Variants in CADM2 observed in about 807,000 individuals in gnomAD.
The protein encoded by CADM2 is immunoglobulin superfamily member 4D.
In CADM2, 12 loss-of-function variants were observed where a neutral mutation model predicts 49.8. The observed-to-expected ratio is 0.24, with a 90% CI of 0.15 to 0.39. The LOEUF (loss-of-function observed/expected upper bound fraction) is 0.39, where lower values mean the gene tolerates loss of function less well. CADM2 is among the 10% of genes least tolerant of loss of function. The pLI is 1.00. For synonymous variants in CADM2, 214 were observed against 175.4 expected, an observed-to-expected ratio of 1.22 and a Z score of -1.74; for missense variants, 378 against 492.3, an observed-to-expected ratio of 0.77 and a Z score of 2.20.
At chr3:85,354,618 CAGAGAG>C (rs139421347) in intron 1 of CADM2, among the ~76,000 whole-genome samples, 3 of 130,158 alleles carry the variant, frequency 2.3e-5, no homozygotes, top group Admixed American at 8.0e-5. Flanking sequence ...GAATACCTAA[CAGAGAG>C]AGAGAGAGAG....
intron 1 of CADM2, among the ~76,000 whole-genome samples, chr3:85,590,733 A>G (rs1281713300): frequency 1.3e-5 from 2 of 151,926 alleles, no homozygotes; most frequent in African/African-American, 4.8e-5. Context: ...AACAAAATGA[A>G]TAAACTCTAT....
intron 1 of CADM2, among the ~76,000 whole-genome samples, chr3:85,504,132 TC>T (rs1241318698): frequency 6.6e-6 from 1 of 152,042 alleles, no homozygotes; most frequent in Non-Finnish European, 1.5e-5. Flanking sequence ...CGGAGTTTGT[TC>T]CTTCTGATGT....
At chr3:85,636,062 C>A (rs2048019424) in intron 1 of CADM2, among the ~76,000 whole-genome samples, 1 of 152,216 alleles carries the variant, frequency 6.6e-6, no homozygotes, top group African/African-American at 2.4e-5. Context: ...TATGTATTTA[C>A]TACAATTTTT....
At chr3:85,013,897 A>G (rs1051647952) in intron 1 of CADM2, among the ~76,000 whole-genome samples, 1 of 147,410 alleles carries the variant, frequency 6.8e-6, no homozygotes, top group Admixed American at 6.9e-5. Context: ...TTAATATATT[A>G]TTGTACTGTC....
At chr3:85,258,049 A>G (rs1014725923) in intron 1 of CADM2, among the ~76,000 whole-genome samples, 1 of 152,098 alleles carries the variant, frequency 6.6e-6, no homozygotes, top group Non-Finnish European at 1.5e-5. Flanking sequence ...TACAAGTGCA[A>G]AAAAGGTAGA....
intron 3 of CADM2, among the ~76,000 whole-genome samples, chr3:85,881,129 C>G (rs1712697395): frequency 6.6e-6 from 1 of 151,988 alleles, no homozygotes; most frequent in African/African-American, 2.4e-5. Flanking sequence ...TGGGTGAATT[C>G]TATTTCTCTG....
At chr3:85,413,138 CA>C (rs397973777) in intron 1 of CADM2, among the ~76,000 whole-genome samples, 23 of 17,108 alleles carry the variant, frequency 1.3e-3, no homozygotes, top group African/African-American at 2.1e-3. Flanking sequence ...GACTCCGTCT[CA>C]AAAAAAAAAA....
chr3:85,386,598 C>T (rs570074348), intron 1 of CADM2, among the ~76,000 whole-genome samples: 4 of 152,210 alleles, frequency 2.6e-5, no homozygotes, highest in Non-Finnish European at 4.4e-5. Flanking sequence ...TGACAGTGTG[C>T]GTGTTGTGGG....
chr3:85,403,394 A>G (rs1217777420), intron 1 of CADM2, among the ~76,000 whole-genome samples: 1 of 152,164 alleles, frequency 6.6e-6, no homozygotes, highest in East Asian at 1.9e-4. Context: ...CACTTATGTT[A>G]GTACCTAATT....
At chr3:85,744,589 G>A (rs2068534082) in intron 2 of CADM2, among the ~76,000 whole-genome samples, 3 of 152,124 alleles carry the variant, frequency 2.0e-5, no homozygotes, top group Admixed American at 6.6e-5. Flanking sequence ...TTAATGAGAA[G>A]ACGATGTTTG....
At chr3:85,626,317 T>G (rs1422914858) in intron 1 of CADM2, among the ~76,000 whole-genome samples, 6 of 152,010 alleles carry the variant, frequency 3.9e-5, no homozygotes, top group African/African-American at 9.7e-5. Context: ...TAGTCATCAC[T>G]GAAGTCCCTT....
intron 1 of CADM2, among the ~76,000 whole-genome samples, chr3:85,091,723 T>C (rs2037604287): frequency 1.3e-5 from 2 of 152,240 alleles, no homozygotes; most frequent in Middle Eastern, 3.4e-3. Context: ...AAATACATGG[T>C]AAACAATTGA....
intron 1 of CADM2, among the ~76,000 whole-genome samples, chr3:85,385,172 T>G (rs1048210847): frequency 2.5e-4 from 38 of 152,148 alleles, no homozygotes; most frequent in South Asian, 8.3e-4. Flanking sequence ...TGTCCTCAGG[T>G]GATCCACCTG....
chr3:85,781,938 C>T (rs2070674682), intron 2 of CADM2, among the ~76,000 whole-genome samples: 1 of 152,194 alleles, frequency 6.6e-6, no homozygotes, highest in Non-Finnish European at 1.5e-5. Context: ...AAATGTTATG[C>T]ACAGGAAGCA....
At chr3:85,222,225 A>G (rs1271491058) in intron 1 of CADM2, among the ~76,000 whole-genome samples, 1 of 152,182 alleles carries the variant, frequency 6.6e-6, no homozygotes, top group African/African-American at 2.4e-5. Flanking sequence ...CTATTAATAA[A>G]TGGCTTGTGG....
At chr3:85,371,151 A>C (rs544039708) in intron 1 of CADM2, among the ~76,000 whole-genome samples, 2 of 152,092 alleles carry the variant, frequency 1.3e-5, no homozygotes, top group African/African-American at 4.8e-5. Flanking sequence ...AAGATAGAAA[A>C]TTTTTTATAT....
In CADM2 at chr3:85,576,521, TACAC is replaced by T. The variant is rs367757545; in HGVS notation, c.62-149995_62-149992del. On this transcript the variant is annotated intron_variant, in intron 1 of 9. Transcript: ENST00000383699. ...AATGTTGAGATTCCATGACAATGTT[TACAC>T]ACACATATGGAGGCACAAACATACT... Among the ~76,000 whole-genome samples the T allele has an allele frequency of 1.7e-3, 266 of 152,314 alleles. 1 individual carries two copies. The highest frequency in any genetic ancestry group is 6.1e-3 in the African/African-American group (254 of 41,570).
chr3:85,331,351 C>T (rs1404864897), intron 1 of CADM2, among the ~76,000 whole-genome samples: 1 of 152,016 alleles, frequency 6.6e-6, no homozygotes, highest in South Asian at 2.1e-4. Flanking sequence ...TTTTTTAGCT[C>T]CCACATATTA....
At chr3:85,587,981 G>C (rs569048001) in intron 1 of CADM2, among the ~76,000 whole-genome samples, 1 of 151,912 alleles carries the variant, frequency 6.6e-6, no homozygotes, top group African/African-American at 2.4e-5. Flanking sequence ...TGCCCAAGCT[G>C]GTTTCCAATT....
Sources: gnomAD v4.1 joint callset for allele counts (sites outside exome capture counted in the v4.1 genomes callset) on GRCh38, gnomAD v4.1.1 for gene constraint, MANE v1.5 for transcripts, NCBI Gene and HGNC (gene_info 2026-07-23, HGNC 2026-07-21) for gene names.